Variants in DCC observed in about 807,000 individuals in gnomAD.
The protein encoded by DCC is netrin receptor DCC.
DCC carries 58 observed loss-of-function variants against 172.5 expected under a neutral mutation model. The observed-to-expected ratio is 0.34, with a 90% CI of 0.27 to 0.42. The LOEUF is 0.42. Ranked by LOEUF, DCC falls within the 10% of genes least tolerant of loss-of-function variation. DCC has a pLI of 1.00. For missense variants in DCC, 1,740 were observed against 1,791.0 expected, an observed-to-expected ratio of 0.97 and a Z score of 0.51; for synonymous variants, 709 against 644.5, an observed-to-expected ratio of 1.10 and a Z score of -1.52.
At chr18:52,907,570 C>T (rs559618046) in intron 3 of DCC, among the ~76,000 whole-genome samples, 1 of 152,148 alleles carries the variant, frequency 6.6e-6, no homozygotes, top group African/African-American at 2.4e-5. Flanking sequence ...TGTGGCACCA[C>T]ACCCGGCTAA....
intron 15 of DCC, among the ~76,000 whole-genome samples, chr18:53,342,334 A>G (rs2144875738): frequency 6.6e-6 from 1 of 152,084 alleles, no homozygotes; most frequent in Admixed American, 6.5e-5. Context: ...TTTATAATTA[A>G]TCTATTGACA....
chr18:52,660,258 C>A (rs2035332935), intron 1 of DCC, among the ~76,000 whole-genome samples: 1 of 152,082 alleles, frequency 6.6e-6, no homozygotes, highest in Non-Finnish European at 1.5e-5. Flanking sequence ...TGCCTGACAG[C>A]AAAAGGACAT....
chr18:53,223,747 T>G (rs1443849883), intron 12 of DCC, among the ~76,000 whole-genome samples: 1 of 152,194 alleles, frequency 6.6e-6, no homozygotes, highest in East Asian at 1.9e-4. Flanking sequence ...TAGTATAGTT[T>G]TGAATGTTAT....
chr18:52,862,351 T>A (rs1438458650), intron 2 of DCC, among the ~76,000 whole-genome samples: 1 of 151,974 alleles, frequency 6.6e-6, no homozygotes, highest in Non-Finnish European at 1.5e-5. Flanking sequence ...TTGATGAAAA[T>A]AGGATCACCG....
rs1302028425 is a variant in DCC, at chr18:52,906,291, A to T, written c.660A>T (p.Ser220=). ...GCTCAGCTCGAAATCCAGCCAGCTCAAGAACAGGAAATGAAGCAGAAGTCA... is the reference window on the plus strand; with the variant it reads ...GCTCAGCTCGAAATCCAGCCAGCTCTAGAACAGGAAATGAAGCAGAAGTCA... ...YRCSARNPAS[S]RTGNEAEVRI... Residue 220 remains serine, a synonymous_variant, in exon 3 of 29, where the codon TCA becomes TCT. Transcript: ENST00000442544. The T allele has an allele frequency of 1.9e-6, 3 of 1,613,884 alleles. No homozygotes were observed. The highest frequency in any genetic ancestry group is 3.3e-5 in the Admixed American group (2 of 60,002).
chr18:52,584,522 T>C (rs1438092521), intron 1 of DCC, among the ~76,000 whole-genome samples: 1 of 152,184 alleles, frequency 6.6e-6, no homozygotes, highest in East Asian at 1.9e-4. Flanking sequence ...AAAGGTAGCA[T>C]AGTGCAGTGG....
intron 1 of DCC, among the ~76,000 whole-genome samples, chr18:52,503,223 C>G (rs1371111888): frequency 6.6e-6 from 1 of 152,040 alleles, no homozygotes; most frequent in African/African-American, 2.4e-5. Context: ...GAATTAGAAG[C>G]CGAATGACTA....
chr18:53,198,431 A>G (rs1308865894), intron 9 of DCC, among the ~76,000 whole-genome samples: 14 of 113,432 alleles, frequency 1.2e-4, no homozygotes, highest in African/African-American at 4.6e-4. Context: ...TAAACTGAGC[A>G]GCTCTCTCTC....
At chr18:52,979,737 A>G (rs917069958) in intron 5 of DCC, among the ~76,000 whole-genome samples, 6 of 152,326 alleles carry the variant, frequency 3.9e-5, no homozygotes, top group Admixed American at 1.3e-4. Flanking sequence ...AAGAGCACCA[A>G]TGGGTAACAT....
At chr18:52,703,264 C>T (rs10163674) in intron 1 of DCC, among the ~76,000 whole-genome samples, 38,545 of 152,060 alleles carry the variant, frequency 0.25, 5,193 homozygotes, top group African/African-American at 0.31. Flanking sequence ...TCTATTTTGT[C>T]TACTGTATCC....
At chr18:52,652,948 G>C (rs1041496101) in intron 1 of DCC, among the ~76,000 whole-genome samples, 13 of 152,032 alleles carry the variant, frequency 8.6e-5, no homozygotes, top group African/African-American at 2.7e-4. Flanking sequence ...AACAAAACAG[G>C]AAAAGAATGA....
At chr18:53,360,338 A>C (rs1248776679) in intron 15 of DCC, among the ~76,000 whole-genome samples, 1 of 152,190 alleles carries the variant, frequency 6.6e-6, no homozygotes, top group Non-Finnish European at 1.5e-5. Flanking sequence ...TCAGTTAATC[A>C]GATAGATTAT....
intron 14 of DCC, among the ~76,000 whole-genome samples, chr18:53,324,925 G>A (rs1260393166): frequency 6.6e-6 from 1 of 152,036 alleles, no homozygotes; most frequent in Non-Finnish European, 1.5e-5. Flanking sequence ...TAGTCAGCTA[G>A]CAACTGTGGA....
Position 52,363,001 on chromosome 18 carries a change from C to T in DCC, c.91+22123C>T, listed in dbSNP as rs193265723. Among the ~76,000 whole-genome samples, 17 of 152,164 alleles carry T rather than the reference C, an allele frequency of 1.1e-4. No individual in the cohort carries two copies. The South Asian group carries it at 1.2e-3, about 11-fold the overall frequency. ...GCAACCTCTGCCTTCCGGGTTCAAG[C>T]GATTACCCTGCCTCAGCCTCAGGAG... On this transcript the variant is annotated intron_variant, in intron 1 of 28. Coordinates refer to ENST00000442544, the MANE Select transcript of DCC (RefSeq NM_005215.4).
At chr18:53,306,831 T>C (rs1292065637) in intron 13 of DCC, among the ~76,000 whole-genome samples, 1 of 152,208 alleles carries the variant, frequency 6.6e-6, no homozygotes, top group African/African-American at 2.4e-5. Context: ...GAATGGCTCA[T>C]GACACAGCTG....
chr18:52,638,432 G>T (rs565918976), intron 1 of DCC, among the ~76,000 whole-genome samples: 3 of 152,250 alleles, frequency 2.0e-5, no homozygotes, highest in South Asian at 4.1e-4. Context: ...CTAACCATTT[G>T]CTGCCTTCAG....
intron 1 of DCC, among the ~76,000 whole-genome samples, chr18:52,664,354 T>C (rs1388673344): frequency 6.6e-6 from 1 of 151,976 alleles, no homozygotes; most frequent in Non-Finnish European, 1.5e-5. Flanking sequence ...AAGGAAACTT[T>C]TGCTACATTT....
intron 15 of DCC, among the ~76,000 whole-genome samples, chr18:53,350,977 T>C (rs1045066721): frequency 1.3e-4 from 19 of 151,818 alleles, no homozygotes; most frequent in African/African-American, 4.6e-4. Context: ...GGTCACTCCA[T>C]GAGATCATTA....
chr18:52,645,678 A>T (rs2035004812), intron 1 of DCC, among the ~76,000 whole-genome samples: 1 of 151,798 alleles, frequency 6.6e-6, no homozygotes, highest in Non-Finnish European at 1.5e-5. Flanking sequence ...ATTTAAAAAT[A>T]AAAAAAAATT....
Sources: gnomAD v4.1 joint callset for allele counts (sites outside exome capture counted in the v4.1 genomes callset) on GRCh38, gnomAD v4.1.1 for gene constraint, MANE v1.5 for transcripts, NCBI Gene and HGNC (gene_info 2026-07-23, HGNC 2026-07-21) for gene names.